The following GRK1 variants were observed in gnomAD, a reference collection of about 807,000 sequenced individuals.
GRK1 encodes the protein rhodopsin kinase GRK1.
Under a neutral mutation model 41.7 loss-of-function variants are expected in GRK1, and 28 were observed. The ratio of observed to expected loss-of-function variants is 0.67; its 90% confidence interval spans 0.50 to 0.92. The LOEUF (loss-of-function observed/expected upper bound fraction) is 0.92. GRK1 is among the 40% of genes least tolerant of loss of function. The pLI, the probability that GRK1 is intolerant of heterozygous loss-of-function variation, is 0.00. For synonymous variants in GRK1, 327 were observed against 286.7 expected (o/e 1.14, Z -1.42); for missense variants, 703 against 671.2 (o/e 1.05, Z -0.52).
In GRK1 at chr13:113,667,644, G is replaced by A. The variant is rs750478937; in HGVS notation, c.258G>A (p.Leu86=). The change falls in exon 1 of 7, where the codon CTG becomes CTA. Residue 86 remains leucine (L), a synonymous_variant. Transcript: ENST00000335678. The surrounding 1 kb of genome is among the most constrained non-coding windows in gnomAD (Gnocchi z 7.5). Reference sequence around the variant, plus strand: ...CGGCAGAGAAGCACCTGCCGGCCCTGGAGCTCTGGAAAGACATCGAGGACT... The same window carrying A: ...CGGCAGAGAAGCACCTGCCGGCCCTAGAGCTCTGGAAAGACATCGAGGACT... ...LQSAEKHLPA[L]ELWKDIEDYD... 4.3e-6 allele frequency: 7 copies of A among 1,613,562 alleles called. No homozygotes were observed. Among genetic ancestry groups the A allele is most frequent in the Non-Finnish European group, 5.9e-6 (7 of 1,179,898 alleles).
Position 113,670,303 on chromosome 13 carries a change from T to G in GRK1, c.827+489T>G, listed in dbSNP as rs371134648. 1.4e-4 allele frequency among the ~76,000 whole-genome samples: 21 copies of G among 151,900 alleles called. No individual in the cohort carries two copies. The East Asian group carries it at 3.3e-3, about 24-fold the overall frequency. ...CAAAGTCCTGCCCCGGATCTGCCGC[T>G]GAGACAGGCCCCAGGCCCGTGCTGG... On this transcript the variant is annotated intron_variant, in intron 2 of 6. Transcript: ENST00000335678.
chr13:113,733,897 G>GCGTGTGTGTA (rs752943988), intron 6 of GRK1, among the ~76,000 whole-genome samples: 8 of 115,510 alleles, frequency 6.9e-5, no homozygotes, highest in African/African-American at 1.6e-4. Flanking sequence ...GTGCGTGTGT[G>GCGTGTGTGTA]TATGTGTGCA....
rs762444027 is a variant in GRK1 at position 113,668,081 on chromosome 13, A to G, written c.695A>G (p.Tyr232Cys). 1.6e-5 allele frequency: 25 copies of G among 1,604,284 alleles called. No individual in the cohort carries two copies. Among genetic ancestry groups the G allele is most frequent in the Middle Eastern group, 1.7e-4 (1 of 6,016 alleles). The change falls in exon 1 of 7, where the codon TAC becomes TGC. Residue 232 changes from tyrosine (Y) to cysteine (C), a missense_variant. Physicochemically the swap from Tyr to Cys is radical, Grantham distance 194. Coordinates refer to ENST00000335678, the MANE Select transcript of GRK1 (RefSeq NM_002929.3). ...NKKRLKKRKG[Y>C]QGAMVEKKIL... is the part of the protein sequence containing the mutation. ...AAGCGGCTGAAGAAGAGGAAGGGCT[A>G]CCAGGTGAGCAGCGCGACCCGGCCA...
chr13:113,730,552 G>A (rs1464391802), intron 4 of GRK1, among the ~76,000 whole-genome samples: 4 of 150,374 alleles, frequency 2.7e-5, no homozygotes, highest in East Asian at 3.9e-4. Context: ...CAGCCTCTGC[G>A]GCTGCGCCCA....
chr13:113,649,333 G>A, the GRK1 span: 1 of 1,560,042 alleles, frequency 6.4e-7, no homozygotes, highest in African/African-American at 1.4e-5. This position sits in a 1 kb window ranked among gnomAD's most constrained non-coding sequence, Gnocchi z 4.7. Context: ...GTGTCCTTGA[G>A]CGACCCCGCA....
intron 6 of GRK1, 30 bp downstream of exon 6, chr13:113,733,115 G>A: frequency 6.6e-7 from 1 of 1,524,234 alleles, no homozygotes; most frequent in African/African-American, 1.4e-5. Flanking sequence ...CCCCGGAGAG[G>A]GTGGGGTTCT....
At chr13:113,732,733 C>G in intron 5 of GRK1, 151 bp from the exon 6 acceptor site, 1 of 742,414 alleles carries the variant, frequency 1.3e-6, no homozygotes, top group East Asian at 2.7e-5. Context: ...ACTGGAGCCT[C>G]AAACGCTGCT....
chr13:113,657,524 G>C, the GRK1 span, among the ~76,000 whole-genome samples: 2 of 152,230 alleles, frequency 1.3e-5, 1 homozygote, highest in South Asian at 4.1e-4. Context: ...CTGCAGGGCA[G>C]ACCTCGCACA....
At chr13:113,664,683 C>A (rs1219106634), upstream of GRK1, among the ~76,000 whole-genome samples, 1 of 152,232 alleles carries the variant, frequency 6.6e-6, no homozygotes, top group Admixed American at 6.5e-5. This position sits in a 1 kb window ranked among gnomAD's most constrained non-coding sequence, Gnocchi z 5.4. Flanking sequence ...ATCAGCACCA[C>A]CTGTGAGCTT....
the GRK1 span, among the ~76,000 whole-genome samples, chr13:113,659,133 C>G: frequency 2.0e-5 from 3 of 152,120 alleles, no homozygotes; most frequent in Non-Finnish European, 4.4e-5. Flanking sequence ...CCCATGGGTC[C>G]GAGCACCAGG....
the GRK1 span, chr13:113,652,664 CT>C: frequency 1.5e-6 from 1 of 677,404 alleles, no homozygotes; most frequent in South Asian, 1.6e-5. Flanking sequence ...CGGCTATGTG[CT>C]GGTGTCTGAC....
the GRK1 span, among the ~76,000 whole-genome samples, chr13:113,653,637 G>A: frequency 1.3e-5 from 2 of 152,218 alleles, no homozygotes; most frequent in Non-Finnish European, 2.9e-5. Context: ...GAGTTGCCCC[G>A]GCCCTGGAAC....
chr13:113,654,999 T>C, the GRK1 span: 1 of 1,604,816 alleles, frequency 6.2e-7, no homozygotes, highest in Non-Finnish European at 8.5e-7. Flanking sequence ...CGCACACAAT[T>C]CGGTGGCCTT....
At chr13:113,650,573 G>C in the GRK1 span, 1 of 1,308,218 alleles carries the variant, frequency 7.6e-7, no homozygotes. The surrounding 1 kb of genome is among the most constrained non-coding windows in gnomAD (Gnocchi z 5.0). Context: ...TGTGTGTTGC[G>C]TTTGTGTGCG....
Position 113,735,503 on chromosome 13 carries a change from T to G in GRK1, c.*140T>G. On this transcript the variant is annotated 3_prime_UTR_variant, in exon 7 of 7. Transcript: ENST00000335678. ...CCCAGGTCCCCATCACGCCATCTCCTTGCGGCCCAAGGAGGAGAAAGCCCA... is the reference window on the plus strand; with the variant it reads ...CCCAGGTCCCCATCACGCCATCTCCGTGCGGCCCAAGGAGGAGAAAGCCCA... The G allele has an allele frequency of 3.1e-6, 3 of 963,816 alleles. No homozygotes were observed. The highest frequency in any genetic ancestry group is 4.3e-6 in the Non-Finnish European group (3 of 692,022). 59.7% of individuals were successfully genotyped at this position (963,816 alleles called of 1,614,324 possible).
the GRK1 span, chr13:113,654,740 C>T: frequency 1.1e-5 from 17 of 1,534,356 alleles, no homozygotes; most frequent in Non-Finnish European, 1.4e-5. Context: ...ACGGGTCCCC[C>T]GGGCGTCTCC....
intron 2 of GRK1, 109 bp downstream of exon 2, chr13:113,669,923 C>A: frequency 7.4e-7 from 1 of 1,349,488 alleles, no homozygotes; most frequent in Non-Finnish European, 1.0e-6. Flanking sequence ...CCCAGGCCTG[C>A]CCTCGAGGGA....
chr13:113,729,513 G>A (rs2049918289), intron 4 of GRK1, among the ~76,000 whole-genome samples: 1 of 152,224 alleles, frequency 6.6e-6, no homozygotes, highest in South Asian at 2.1e-4. Flanking sequence ...GTGAGCGGCA[G>A]CGTCATGGCA....
the GRK1 span, among the ~76,000 whole-genome samples, chr13:113,660,393 C>T: frequency 6.6e-6 from 1 of 152,208 alleles, no homozygotes; most frequent in Admixed American, 6.5e-5. Context: ...CAAAGGTTCC[C>T]AGTGGGAAAC....
Sources: gnomAD v4.1 joint callset for allele counts (sites outside exome capture counted in the v4.1 genomes callset) on GRCh38, gnomAD v4.1.1 for gene constraint, Gnocchi (gnomAD v3.1) non-coding constraint, MANE v1.5 for transcripts, NCBI Gene and HGNC (gene_info 2026-07-23, HGNC 2026-07-21) for gene names.